ST18: variants seen among roughly 807,000 people sequenced by gnomAD.
The protein encoded by ST18 is ST18 C2H2C-type zinc finger transcription factor, also known as suppression of tumorigenicity 18 protein.
In ST18, 50 loss-of-function variants were observed where a neutral mutation model predicts 110.0. That is an observed-to-expected ratio of 0.45 (90% CI 0.36 to 0.58). ST18 has a LOEUF of 0.58. ST18 is among the 20% of genes least tolerant of loss of function. ST18 has a pLI of 0.00. For synonymous variants in ST18, 461 were observed against 452.4 expected (o/e 1.02, Z -0.24); for missense variants, 1,306 against 1,280.1 (o/e 1.02, Z -0.31).
chr8:52,239,262 T>G (rs1196906938), intron 2 of ST18, among the ~76,000 whole-genome samples: 1 of 152,176 alleles, frequency 6.6e-6, no homozygotes, highest in East Asian at 1.9e-4. Context: ...TAAAAAATGT[T>G]CTAAAGTTGA....
chr8:52,133,155 C>A lies in ST18; in HGVS notation c.2364-18G>T. The A allele has an allele frequency of 1.2e-6, 2 of 1,614,176 alleles. No homozygotes were observed. Among genetic ancestry groups the A allele is most frequent in the South Asian group, 2.2e-5 (2 of 91,084 alleles). On this transcript the variant is annotated intron_variant, in intron 20 of 25. Coordinates refer to ENST00000689386, the MANE Select transcript of ST18 (RefSeq NM_001352837.2). ...CGGACAAGCTGAAATAGGGACCCGA[C>A]AAAGAACAAAGCAAAATTATGTGAT...
chr8:52,269,289 G>C (rs1057343563), intron 2 of ST18, among the ~76,000 whole-genome samples: 6 of 152,194 alleles, frequency 3.9e-5, no homozygotes, highest in African/African-American at 1.4e-4. Flanking sequence ...TTCTCACATA[G>C]CCTGAATCCG....
chr8:52,318,956 G>A (rs953495061), intron 2 of ST18, among the ~76,000 whole-genome samples: 13 of 151,970 alleles, frequency 8.6e-5, no homozygotes, highest in Non-Finnish European at 1.3e-4. Context: ...GGAGAGGATC[G>A]GGAAGAATAG....
intron 2 of ST18, among the ~76,000 whole-genome samples, chr8:52,271,131 C>T (rs2138897883): frequency 6.6e-6 from 1 of 152,240 alleles, no homozygotes; most frequent in South Asian, 2.1e-4. Context: ...ATCTTCTGAC[C>T]TTGTGATCCG....
intron 15 of ST18, 61 bp downstream of exon 15, chr8:52,158,837 A>C: frequency 6.3e-7 from 1 of 1,576,102 alleles, no homozygotes; most frequent in Non-Finnish European, 8.7e-7. Context: ...GGAACATGAA[A>C]GGCAGTTTAT....
At chr8:52,286,260 A>G (rs2095470307) in intron 2 of ST18, among the ~76,000 whole-genome samples, 1 of 152,186 alleles carries the variant, frequency 6.6e-6, no homozygotes, top group South Asian at 2.1e-4. Flanking sequence ...CTTTAAAAGG[A>G]AATAACATTG....
intron 2 of ST18, among the ~76,000 whole-genome samples, chr8:52,231,484 G>A (rs2091332653): frequency 6.7e-6 from 1 of 149,200 alleles, no homozygotes; most frequent in Non-Finnish European, 1.5e-5. Flanking sequence ...CACCTGGGTG[G>A]CTTTTTTTTT....
intron 2 of ST18, among the ~76,000 whole-genome samples, chr8:52,299,869 A>C (rs1313795687): frequency 6.6e-6 from 1 of 152,212 alleles, no homozygotes; most frequent in Admixed American, 6.5e-5. Context: ...TGCTATTTTA[A>C]GGTGTGTTAC....
chr8:52,372,915 G>A (rs956898405), intron 2 of ST18, among the ~76,000 whole-genome samples: 2 of 152,206 alleles, frequency 1.3e-5, no homozygotes, highest in African/African-American at 4.8e-5. Flanking sequence ...ATTGTACAGA[G>A]CATACCTGAA....
At chr8:52,354,337 T>C (rs142850466) in intron 2 of ST18, among the ~76,000 whole-genome samples, 5 of 152,228 alleles carry the variant, frequency 3.3e-5, no homozygotes, top group East Asian at 3.9e-4. Flanking sequence ...CTCGACCGAG[T>C]AAAGTCAGGG....
At chr8:52,185,433 C>T (rs968573397) in intron 8 of ST18, among the ~76,000 whole-genome samples, 1 of 152,078 alleles carries the variant, frequency 6.6e-6, no homozygotes, top group African/African-American at 2.4e-5. Context: ...TCTACAATTT[C>T]TGTGGAAATG....
At chr8:52,126,263 GTC>G in intron 22 of ST18, 123 bp from the exon 23 acceptor site, 1 of 926,708 alleles carries the variant, frequency 1.1e-6, no homozygotes, top group Non-Finnish European at 1.6e-6. Context: ...ATAACCCACA[GTC>G]TCTTTGTAGA....
intron 8 of ST18, among the ~76,000 whole-genome samples, chr8:52,192,085 T>C (rs1486194503): frequency 1.3e-5 from 2 of 152,092 alleles, no homozygotes; most frequent in African/African-American, 4.8e-5. Flanking sequence ...ATTGATGGAG[T>C]AGCATTAGTG....
intron 2 of ST18, among the ~76,000 whole-genome samples, chr8:52,398,275 C>T (rs1841834998): frequency 6.6e-6 from 1 of 152,024 alleles, no homozygotes; most frequent in African/African-American, 2.4e-5. Flanking sequence ...ATTTTATATC[C>T]TACAAATGTA....
intron 15 of ST18, among the ~76,000 whole-genome samples, chr8:52,152,761 A>C (rs1000585381): frequency 6.6e-6 from 1 of 152,226 alleles, no homozygotes; most frequent in African/African-American, 2.4e-5. Flanking sequence ...TGAAGGTTGA[A>C]CTAATTACTC....
At chr8:52,345,743 G>C (rs2140258166) in intron 2 of ST18, among the ~76,000 whole-genome samples, 1 of 152,260 alleles carries the variant, frequency 6.6e-6, no homozygotes, top group Non-Finnish European at 1.5e-5. Flanking sequence ...TCTACCTCCA[G>C]GGAAAAGCCT....
At chr8:52,150,292 GTA>G (rs1321128399) in intron 15 of ST18, among the ~76,000 whole-genome samples, 1 of 151,514 alleles carries the variant, frequency 6.6e-6, no homozygotes, top group African/African-American at 2.4e-5. Flanking sequence ...ATATATATGT[GTA>G]TATATATACA....
chr8:52,307,259 C>G (rs1400272240), intron 2 of ST18, among the ~76,000 whole-genome samples: 1 of 152,146 alleles, frequency 6.6e-6, no homozygotes, highest in Admixed American at 6.5e-5. Context: ...AAATGACTCC[C>G]TAAAGTTCTT....
At chr8:52,348,169 T>C (rs1231204185) in intron 2 of ST18, among the ~76,000 whole-genome samples, 1 of 152,296 alleles carries the variant, frequency 6.6e-6, no homozygotes, top group East Asian at 1.9e-4. Context: ...AAGTATCACA[T>C]GTGGCTCACA....
Sources: allele counts gnomAD v4.1 joint callset (sites outside exome capture counted in the v4.1 genomes callset), GRCh38; gene constraint gnomAD v4.1.1; transcripts MANE v1.5; gene names NCBI Gene and HGNC (gene_info 2026-07-23, HGNC 2026-07-21).